SLC28A1: variants seen among roughly 807,000 people sequenced by gnomAD.
SLC28A1 encodes the protein sodium/nucleoside cotransporter 1.
A neutral mutation model predicts 74.8 loss-of-function variants in SLC28A1; 64 were observed. That is an observed-to-expected ratio of 0.86 (90% CI 0.70 to 1.05). SLC28A1 has a LOEUF of 1.05. Among genes scored for constraint, SLC28A1 ranks in the 50% least tolerant of loss-of-function variants. SLC28A1 has a pLI of 0.00. For synonymous variants in SLC28A1, 359 were observed against 335.0 expected (o/e 1.07, Z -0.78); for missense variants, 828 against 822.8 (o/e 1.01, Z -0.08).
At chr15:84,888,643 A>G in intron 3 of SLC28A1, 129 bp from the exon 4 acceptor site, 1 of 694,756 alleles carries the variant, frequency 1.4e-6, no homozygotes, top group Admixed American at 2.0e-5. Flanking sequence ...GTAGCCTTCT[A>G]ATTCCTCCCT....
intron 16 of SLC28A1, 41 bp from the exon 17 acceptor site, chr15:84,944,525 A>T (rs1369037480): frequency 7.0e-7 from 1 of 1,424,122 alleles, no homozygotes; most frequent in Admixed American, 1.7e-5. Flanking sequence ...GCAGAGAGGG[A>T]CACAGCTTCC....
rs536037748 is a variant in SLC28A1 at position 84,928,920 on chromosome 15, G to A, written c.1084-4225G>A. On this transcript the variant is annotated intron_variant, in intron 12 of 18. Coordinates refer to ENST00000394573, the MANE Select transcript of SLC28A1 (RefSeq NM_004213.5). ...TTACAGGCATGAGCCACTGCGCCCAGCCTCCAAGCTCCCAGATTCTTAAAA... is the reference window on the plus strand; with the variant it reads ...TTACAGGCATGAGCCACTGCGCCCAACCTCCAAGCTCCCAGATTCTTAAAA... Among the ~76,000 whole-genome samples the A allele has an allele frequency of 1.0e-3, 156 of 151,882 alleles. 1 individual carries two copies. The highest frequency in any genetic ancestry group is 3.5e-3 in the African/African-American group (146 of 41,444).
At chr15:84,955,221 C>T in the SLC28A1 span, among the ~76,000 whole-genome samples, 4 of 152,184 alleles carry the variant, frequency 2.6e-5, no homozygotes, top group Admixed American at 2.6e-4. Flanking sequence ...CCTCAGACAT[C>T]ATGGAACTGA....
rs546637080 is a variant in SLC28A1 at position 84,918,458 on chromosome 15, G to A, written c.796-66G>A. 9.3e-4 allele frequency: 1,180 copies of A among 1,272,684 alleles called. 2 individuals carry two copies. The highest frequency in any genetic ancestry group is 1.2e-3 in the Non-Finnish European group (1,005 of 869,552). The allele number at this position is 1,272,684 out of a possible 1,614,324, so 78.8% of individuals were successfully genotyped here. Reference sequence around the variant, plus strand: ...GAGTGGGCTGTCTGGGGTCTCCTGGGCCCCGCCTGGCACCCTGCATCCTGC... The same window carrying A: ...GAGTGGGCTGTCTGGGGTCTCCTGGACCCCGCCTGGCACCCTGCATCCTGC... On this transcript the variant is annotated intron_variant, in intron 9 of 18. Transcript: ENST00000394573.
chr15:84,950,012 A>T (rs2079363440), downstream of SLC28A1, among the ~76,000 whole-genome samples: 1 of 152,174 alleles, frequency 6.6e-6, no homozygotes, highest in Non-Finnish European at 1.5e-5. Flanking sequence ...TCTGACAAAG[A>T]TATGGAATGG....
intron 4 of SLC28A1, among the ~76,000 whole-genome samples, chr15:84,890,215 C>T (rs562521500): frequency 5.9e-5 from 9 of 152,334 alleles, no homozygotes; most frequent in African/African-American, 2.2e-4. Flanking sequence ...GGGACTATCA[C>T]TGGGGTAGTG....
At chr15:84,889,639 TTTTCTTTTCC>T (rs1018303054) in intron 4 of SLC28A1, among the ~76,000 whole-genome samples, 6 of 151,972 alleles carry the variant, frequency 3.9e-5, no homozygotes, top group African/African-American at 1.4e-4. Context: ...TTTTCTTTTC[TTTTCTTTTCC>T]TTTTTCTTTT....
At chr15:84,967,011 T>C in the SLC28A1 span, among the ~76,000 whole-genome samples, 1 of 152,064 alleles carries the variant, frequency 6.6e-6, no homozygotes, top group Admixed American at 6.6e-5. Context: ...GAACTGCTAG[T>C]TTCAAGTGAT....
chr15:84,887,491 C>G, intron 2 of SLC28A1: 1 of 980,196 alleles, frequency 1.0e-6, no homozygotes, highest in Non-Finnish European at 1.2e-6. Context: ...GGAGGCCAGC[C>G]TGTGCAACAC....
chr15:84,935,360 A>G lies in SLC28A1; in HGVS notation c.1423A>G (p.Met475Val). ...SYILRPVAFLMGVAWEDCPVV... is the reference protein window; with the variant it reads ...SYILRPVAFLVGVAWEDCPVV... Reference sequence around the variant, plus strand: ...CATCCTGCGGCCTGTAGCCTTCTTGATGGGTGTGGCGTGGGAGGACTGCCC... The same window carrying G: ...CATCCTGCGGCCTGTAGCCTTCTTGGTGGGTGTGGCGTGGGAGGACTGCCC... The change falls in exon 15 of 19, where the codon ATG becomes GTG. Residue 475 changes from methionine (M) to valine (V), a missense_variant. This residue lies in a region of SLC28A1 where 767 missense variants were observed against 753.5 expected (regional missense o/e 1.02). Transcript: ENST00000394573. 6.2e-7 allele frequency: 1 copy of G among 1,614,062 alleles called. No homozygotes were observed. Among genetic ancestry groups the G allele is most frequent in the African/African-American group, 1.3e-5 (1 of 74,992 alleles).
intron 5 of SLC28A1, among the ~76,000 whole-genome samples, chr15:84,891,260 G>A (rs1288213981): frequency 2.0e-5 from 3 of 152,176 alleles, no homozygotes; most frequent in Admixed American, 2.0e-4. Flanking sequence ...GAAGGTGGGC[G>A]GGGGCAATGG....
In SLC28A1 at chr15:84,931,731, T is replaced by C. The variant is rs148505188; in HGVS notation, c.1084-1414T>C. Among the ~76,000 whole-genome samples, 544 of 136,136 alleles carry C rather than the reference T, an allele frequency of 4.0e-3. 4 individuals are homozygous for C. The highest frequency in any genetic ancestry group is 0.015 in the African/African-American group (531 of 35,904). The allele number at this position is 136,136 out of a possible 152,430, so 89.3% of individuals were successfully genotyped here. ...GAAAGAAAAGAAAATCGGCCGGGGA[T>C]GGTGGCTCATGCCTGTAATCCCAGC... On this transcript the variant is annotated intron_variant, in intron 12 of 18. Coordinates refer to ENST00000394573, the MANE Select transcript of SLC28A1 (RefSeq NM_004213.5).
At chr15:84,942,857 C>A (rs1395019761) in intron 15 of SLC28A1, among the ~76,000 whole-genome samples, 1 of 152,114 alleles carries the variant, frequency 6.6e-6, no homozygotes, top group Non-Finnish European at 1.5e-5. Flanking sequence ...AAAGGCTGAA[C>A]CCCATCCAGA....
At chr15:84,962,030 G>C in the SLC28A1 span, among the ~76,000 whole-genome samples, 1 of 151,906 alleles carries the variant, frequency 6.6e-6, no homozygotes, top group Non-Finnish European at 1.5e-5. Flanking sequence ...AAGTTGGTGG[G>C]TCTTTCTGTC....
At chr15:84,930,491 A>G (rs1378313401) in intron 12 of SLC28A1, among the ~76,000 whole-genome samples, 1 of 152,186 alleles carries the variant, frequency 6.6e-6, no homozygotes, top group Non-Finnish European at 1.5e-5. Context: ...TGGGGTTTAG[A>G]AAAAGAAGAA....
chr15:84,935,217 C>T, intron 14 of SLC28A1, 23 bp downstream of exon 14: 1 of 1,613,676 alleles, frequency 6.2e-7, no homozygotes, highest in Non-Finnish European at 8.5e-7. Flanking sequence ...CCACCACACT[C>T]AGTCTGTAGA....
intron 2 of SLC28A1, chr15:84,887,389 C>A: frequency 3.0e-6 from 3 of 985,380 alleles, no homozygotes; most frequent in Non-Finnish European, 3.6e-6. Context: ...CTTACAGGTT[C>A]AGATGTGGGT....
chr15:84,944,662 C>T lies in SLC28A1; in HGVS notation c.1760C>T (p.Ala587Val). 6.2e-7 allele frequency: 1 copy of T among 1,611,664 alleles called. No individual in the cohort carries two copies. Residue 587 changes from alanine to valine, a missense_variant and splice_region_variant, in exon 17 of 19, where the codon GCA becomes GTA. Coordinates refer to ENST00000394573, the MANE Select transcript of SLC28A1 (RefSeq NM_004213.5). The part of the protein sequence containing the change: ...ACVSLVNACM[A>V]GILYMPRGAE... ...GTGTCCCTGGTGAACGCCTGTATGGCAGGTGAGTGCAGGCCTGGCAGGCTC... is the reference window on the plus strand; with the variant it reads ...GTGTCCCTGGTGAACGCCTGTATGGTAGGTGAGTGCAGGCCTGGCAGGCTC...
chr15:84,928,531 T>TTCGTTCG lies in SLC28A1; in HGVS notation c.1083+4422_1083+4423insCGTTCGT, dbSNP rs1567171858. On this transcript the variant is annotated intron_variant, in intron 12 of 18. Coordinates refer to ENST00000394573, the MANE Select transcript of SLC28A1 (RefSeq NM_004213.5). Reference sequence around the variant, plus strand: ...TTCAAGCTCCCAGGTTCGTTCGTTCTTTCTTTCTTTCTTTCTTTCTTTCTT... The same window carrying TTCGTTCG: ...TTCAAGCTCCCAGGTTCGTTCGTTCTTCGTTCGTTCTTTCTTTCTTTCTTTCTTTCTT... Among the ~76,000 whole-genome samples, 18 of 43,374 alleles carry TTCGTTCG rather than the reference T, an allele frequency of 4.1e-4. 1 individual carries two copies. In the East Asian group the frequency reaches 5.5e-3, roughly 13 times the overall value. The allele number at this position is 43,374 out of a possible 152,430, so 28.5% of individuals were successfully genotyped here.
Sources: allele counts gnomAD v4.1 joint callset (sites outside exome capture counted in the v4.1 genomes callset), GRCh38; gene constraint gnomAD v4.1.1; regional missense constraint gnomAD v4.1.1; transcripts MANE v1.5; gene names NCBI Gene and HGNC (gene_info 2026-07-23, HGNC 2026-07-21).